Variants in SUPT3H observed in about 807,000 individuals in gnomAD.
SUPT3H encodes transcription initiation protein SPT3 homolog.
SUPT3H carries 44 observed loss-of-function variants against 44.3 expected under a neutral mutation model. The observed-to-expected ratio is 0.99, with a 90% CI of 0.78 to 1.28. The LOEUF is 1.28. Ranked by LOEUF, SUPT3H falls within the 50% of genes most tolerant of loss-of-function variation. SUPT3H has a pLI of 0.00. For synonymous variants in SUPT3H, 124 were observed against 125.6 expected (o/e 0.99, Z 0.09); for missense variants, 380 against 387.1 (o/e 0.98, Z 0.15).
At chr6:45,366,839 C>A (rs1197048204) in intron 1 of SUPT3H, among the ~76,000 whole-genome samples, 1 of 152,156 alleles carries the variant, frequency 6.6e-6, no homozygotes, top group Non-Finnish European at 1.5e-5. Context: ...TCAGACCCTT[C>A]CCCTCTTGTC....
chr6:45,286,839 A>T (rs1189747529), intron 2 of SUPT3H, among the ~76,000 whole-genome samples: 1 of 152,230 alleles, frequency 6.6e-6, no homozygotes, highest in African/African-American at 2.4e-5. Flanking sequence ...CTAGGAACCA[A>T]GCCAAATGTC....
At chr6:45,133,337 C>T (rs1055618937) in intron 2 of SUPT3H, among the ~76,000 whole-genome samples, 6 of 152,146 alleles carry the variant, frequency 3.9e-5, no homozygotes, top group Admixed American at 2.6e-4. Flanking sequence ...TTTCCTTCCC[C>T]AGCAGAACTG....
At chr6:44,953,089 G>A (rs1774561005) in intron 9 of SUPT3H, among the ~76,000 whole-genome samples, 1 of 152,144 alleles carries the variant, frequency 6.6e-6, no homozygotes, top group South Asian at 2.1e-4. Context: ...GCTAAGTGAA[G>A]CAAGAAAAAC....
chr6:45,253,089 A>G (rs1481463410), intron 2 of SUPT3H, among the ~76,000 whole-genome samples: 1 of 152,184 alleles, frequency 6.6e-6, no homozygotes, highest in Admixed American at 6.5e-5. Context: ...GTGACATGAC[A>G]TAGATTTTTA....
intron 2 of SUPT3H, among the ~76,000 whole-genome samples, chr6:45,346,534 G>T (rs1327288802): frequency 1.3e-5 from 2 of 150,636 alleles, no homozygotes; most frequent in Non-Finnish European, 2.9e-5. Flanking sequence ...CTAGCCAAAT[G>T]CCTGGCATAT....
chr6:45,062,907 C>A (rs1472166276), intron 3 of SUPT3H, among the ~76,000 whole-genome samples: 1 of 152,032 alleles, frequency 6.6e-6, no homozygotes, highest in Non-Finnish European at 1.5e-5. Flanking sequence ...ATTGCCCAGG[C>A]TTGCTTAGGT....
At chr6:45,187,101 T>TAAAAAAA (rs70996308) in intron 2 of SUPT3H, among the ~76,000 whole-genome samples, 4 of 79,842 alleles carry the variant, frequency 5.0e-5, no homozygotes, top group African/African-American at 1.9e-4. Flanking sequence ...TTTTCGCCTT[T>TAAAAAAA]AAAAAAAAAA....
At chr6:44,870,610 A>C (rs1275303530) in intron 10 of SUPT3H, among the ~76,000 whole-genome samples, 1 of 151,722 alleles carries the variant, frequency 6.6e-6, no homozygotes, top group East Asian at 1.9e-4. Flanking sequence ...AAAAAAAAAA[A>C]AAAAAGAAAG....
chr6:45,110,061 A>AAC (rs1331287575), intron 2 of SUPT3H, among the ~76,000 whole-genome samples: 1 of 152,190 alleles, frequency 6.6e-6, no homozygotes, highest in Non-Finnish European at 1.5e-5. Context: ...TCGTTGCTAT[A>AAC]ACACACAACC....
intron 3 of SUPT3H, among the ~76,000 whole-genome samples, chr6:45,049,687 A>C (rs550975121): frequency 6.6e-6 from 1 of 152,296 alleles, no homozygotes; most frequent in African/African-American, 2.4e-5. Context: ...CATTGTTTAT[A>C]GCTTAACTCA....
intron 2 of SUPT3H, among the ~76,000 whole-genome samples, chr6:45,149,690 T>C (rs1806608706): frequency 6.6e-6 from 1 of 152,166 alleles, no homozygotes; most frequent in Non-Finnish European, 1.5e-5. Flanking sequence ...AGTAAGAATA[T>C]ACTAAGGTAG....
At chr6:45,333,476 AAGGGCAT>A (rs1246646222) in intron 2 of SUPT3H, among the ~76,000 whole-genome samples, 2 of 151,522 alleles carry the variant, frequency 1.3e-5, no homozygotes, top group African/African-American at 4.8e-5. Context: ...ACTATTTATT[AAGGGCAT>A]AGGACTCAAG....
chr6:44,841,599 A>G (rs1770950988), intron 10 of SUPT3H, among the ~76,000 whole-genome samples: 1 of 152,250 alleles, frequency 6.6e-6, no homozygotes, highest in Non-Finnish European at 1.5e-5. Flanking sequence ...GTAATGACTG[A>G]CAGCCTTCAA....
In SUPT3H at chr6:45,078,541, C is replaced by T. The variant is rs559875404; in HGVS notation, c.186+27381G>A. ...CACATGTTTTCATTACAATGATTCT[C>T]ACCTTTTTATTTCCTGTTGTAGCAT... On this transcript the variant is annotated intron_variant, in intron 3 of 10. Transcript: ENST00000371459. Among the ~76,000 whole-genome samples, 4 of 152,264 alleles carry T rather than the reference C, an allele frequency of 2.6e-5. No individual in the cohort carries two copies. The East Asian group carries it at 7.7e-4, about 29-fold the overall frequency.
At chr6:45,171,724 T>TC (rs967072516) in intron 2 of SUPT3H, among the ~76,000 whole-genome samples, 7 of 140,898 alleles carry the variant, frequency 5.0e-5, no homozygotes, top group Non-Finnish European at 7.7e-5. Context: ...TTTTTTTTTT[T>TC]TTTTTTTTTT....
intron 9 of SUPT3H, among the ~76,000 whole-genome samples, chr6:44,950,827 TTTATTA>T: frequency 6.9e-6 from 1 of 144,072 alleles, no homozygotes; most frequent in African/African-American, 2.5e-5. Context: ...TGTTTTATTT[TTTATTA>T]TTATTATTTT....
intron 2 of SUPT3H, among the ~76,000 whole-genome samples, chr6:45,118,601 A>G (rs1164157663): frequency 6.6e-6 from 1 of 152,076 alleles, no homozygotes; most frequent in African/African-American, 2.4e-5. Flanking sequence ...AGGTCTTCTC[A>G]CTTTTGTACA....
chr6:45,237,969 A>G (rs1322304888), intron 2 of SUPT3H, among the ~76,000 whole-genome samples: 3 of 152,180 alleles, frequency 2.0e-5, no homozygotes, highest in Non-Finnish European at 4.4e-5. Context: ...TTTCTTTACT[A>G]TCCCTTTAGC....
At chr6:45,325,328 T>C (rs759205041) in intron 2 of SUPT3H, among the ~76,000 whole-genome samples, 9 of 151,858 alleles carry the variant, frequency 5.9e-5, no homozygotes, top group Non-Finnish European at 1.2e-4. Flanking sequence ...TATTAAAATA[T>C]GATCATTAGT....
Sources: allele counts gnomAD v4.1 joint callset (sites outside exome capture counted in the v4.1 genomes callset), GRCh38; gene constraint gnomAD v4.1.1; transcripts MANE v1.5; gene names NCBI Gene and HGNC (gene_info 2026-07-23, HGNC 2026-07-21).